The following VIPR1 variants were observed in gnomAD, a reference collection of about 807,000 sequenced individuals.
VIPR1 encodes the protein vasoactive intestinal peptide receptor 1.
In VIPR1, 59 loss-of-function variants were observed where a neutral mutation model predicts 58.8. The ratio of observed to expected loss-of-function variants is 1.00; its 90% CI spans 0.81 to 1.25. VIPR1 has a LOEUF of 1.25. Among genes scored for constraint, VIPR1 ranks in the 50% most tolerant of loss-of-function variants. The pLI, the probability that VIPR1 is intolerant of heterozygous loss-of-function variation, is 0.00. For synonymous variants in VIPR1, 251 were observed against 242.1 expected, an observed-to-expected ratio of 1.04 and a Z score of -0.34; for missense variants, 626 against 602.7, an observed-to-expected ratio of 1.04 and a Z score of -0.40.
intron 1 of VIPR1, chr3:42,513,067 G>C (rs541244880): frequency 1.7e-4 from 126 of 747,094 alleles, no homozygotes; most frequent in Non-Finnish European, 1.9e-4. Context: ...CAGAAGCAGG[G>C]GAGGCCTGGT....
At chr3:42,526,035 G>C in intron 4 of VIPR1, 42 bp downstream of exon 4, 1 of 1,553,172 alleles carries the variant, frequency 6.4e-7, no homozygotes, top group Non-Finnish European at 8.8e-7. Context: ...AGAGCGCCGG[G>C]GCCCACCTAG....
At chr3:42,514,329 G>A (rs143437175) in intron 2 of VIPR1, among the ~76,000 whole-genome samples, 1 of 152,208 alleles carries the variant, frequency 6.6e-6, no homozygotes, top group Non-Finnish European at 1.5e-5. Flanking sequence ...AGAGGAAGAA[G>A]AGGCACATTC....
chr3:42,525,214 G>T (rs1701166242), intron 3 of VIPR1, among the ~76,000 whole-genome samples: 1 of 151,970 alleles, frequency 6.6e-6, no homozygotes. Context: ...CCCCTAAGCG[G>T]TCCTGTCTCT....
At chr3:42,500,691 A>G (rs1284273944), upstream of VIPR1, among the ~76,000 whole-genome samples, 2 of 152,172 alleles carry the variant, frequency 1.3e-5, no homozygotes, top group African/African-American at 4.8e-5. Flanking sequence ...CGGGGTACAC[A>G]GGGTCATAAG....
chr3:42,502,951 C>A (rs2125629273), intron 1 of VIPR1, 138 bp downstream of exon 1: 1 of 647,248 alleles, frequency 1.5e-6, no homozygotes, highest in Non-Finnish European at 2.2e-6. Flanking sequence ...CATCTCGACT[C>A]GCCTCCTCCC....
At position 42,536,425 on chromosome 3, in the gene VIPR1, C is replaced by A; in HGVS notation, c.*144C>A. 3.4e-6 allele frequency: 3 copies of A among 878,100 alleles called. No individual in the cohort carries two copies. Among genetic ancestry groups the A allele is most frequent in the Non-Finnish European group, 3.3e-6 (2 of 604,106 alleles). 54.4% of individuals were successfully genotyped at this position (878,100 alleles called of 1,614,324 possible). A position where few individuals can be genotyped will look rare whatever the true frequency, so the allele number is the denominator to read the frequency against. The stretch of plus-strand genomic sequence containing the variant: ...GCCCCCGGCCCCCTGGTCTCTGGTC[C>A]GGACACTCCTAGAGAACGCAGCCCT... On this transcript the variant is annotated 3_prime_UTR_variant, in exon 13 of 13. Coordinates refer to ENST00000325123, the MANE Select transcript of VIPR1 (RefSeq NM_004624.4).
intron 12 of VIPR1, 63 bp from the exon 13 acceptor site, chr3:42,536,027 C>T (rs1205296016): frequency 1.3e-6 from 2 of 1,493,808 alleles, no homozygotes; most frequent in African/African-American, 1.4e-5. Context: ...AAGTCCAGGG[C>T]AGCCCAATCA....
intron 2 of VIPR1, among the ~76,000 whole-genome samples, chr3:42,515,508 C>T (rs530562336): frequency 2.6e-5 from 4 of 152,356 alleles, no homozygotes; most frequent in South Asian, 2.1e-4. Flanking sequence ...GACTCCACTG[C>T]GCACCTCCCA....
At chr3:42,492,157 C>A (rs1320310791) in intron 1 of VIPR1, among the ~76,000 whole-genome samples, 1 of 152,096 alleles carries the variant, frequency 6.6e-6, no homozygotes, top group Non-Finnish European at 1.5e-5. Context: ...TCTCTCCCAA[C>A]TTTCCATCCT....
intron 8 of VIPR1, 108 bp from the exon 9 acceptor site, chr3:42,531,695 G>C (rs1701564341): frequency 1.9e-6 from 3 of 1,551,992 alleles, no homozygotes; most frequent in South Asian, 1.1e-5. Context: ...CTGGGCCCGG[G>C]GTTGCTAAAG....
rs1323530918 is a variant in VIPR1 at position 42,530,415 on chromosome 3, TA to T, written c.637-358del. On this transcript the variant is annotated intron_variant, in intron 6 of 12. Coordinates refer to ENST00000325123, the MANE Select transcript of VIPR1 (RefSeq NM_004624.4). ...GATAGATGATGGATGGACACATGGA[TA>T]AAAAATGGATAAATGAGTGAGTTGA... is the stretch of plus-strand genomic sequence containing the variant. 4 of 223,116 alleles carry T rather than the reference TA, an allele frequency of 1.8e-5. No individual in the cohort carries two copies. In the East Asian group the frequency reaches 4.2e-4, roughly 23 times the overall value. 13.8% of individuals were successfully genotyped at this position (223,116 alleles called of 1,614,324 possible). A position where few individuals can be genotyped will look rare whatever the true frequency, so the allele number is the denominator to read the frequency against.
Position 42,505,158 on chromosome 3 carries a change from CA to C in VIPR1, c.78+2346del, listed in dbSNP as rs534876023. 4.7e-3 allele frequency among the ~76,000 whole-genome samples: 723 copies of C among 152,242 alleles called. 6 individuals are homozygous for C. The highest frequency in any genetic ancestry group is 0.031 in the Middle Eastern group (9 of 294). On this transcript the variant is annotated intron_variant, in intron 1 of 12. Coordinates refer to ENST00000325123, the MANE Select transcript of VIPR1 (RefSeq NM_004624.4). ...ACCCAGTGACTTAGGAGAAAGAGTC[CA>C]GGTGGATGTGGGGTACAGCCTCCTA...
intron 10 of VIPR1, 28 bp downstream of exon 10, chr3:42,532,361 C>T: frequency 6.3e-7 from 1 of 1,596,424 alleles, no homozygotes; most frequent in Non-Finnish European, 8.6e-7. Context: ...GCCTCAGCCC[C>T]CAGTACCTCC....
chr3:42,515,732 G>T (rs574007930), intron 2 of VIPR1, among the ~76,000 whole-genome samples: 1 of 152,358 alleles, frequency 6.6e-6, no homozygotes, highest in African/African-American at 2.4e-5. Context: ...TCTGTCTGGA[G>T]CTGCGTCTGT....
At chr3:42,499,610 A>C (rs1288122456), upstream of VIPR1, among the ~76,000 whole-genome samples, 4 of 152,198 alleles carry the variant, frequency 2.6e-5, no homozygotes, top group Admixed American at 1.3e-4. Flanking sequence ...CAAGAAGGAC[A>C]TGGGGGAACA....
chr3:42,536,109 G>C lies in VIPR1; in HGVS notation c.1202G>C (p.Arg401Pro), dbSNP rs575125714. 1 of 1,601,200 alleles carries C rather than the reference G, an allele frequency of 6.2e-7. No homozygotes were observed. The highest frequency in any genetic ancestry group is 1.3e-5 in the African/African-American group (1 of 74,774). ...TCCTAGGTGCAGGCGGAGCTGAGGC[G>C]GAAGTGGCGGCGCTGGCACCTGCAG... is the stretch of plus-strand genomic sequence containing the variant. ...LNGEVQAELR[R>P]KWRRWHLQGV... The change falls in exon 13 of 13, where the codon CGG becomes CCG. Residue 401 changes from arginine to proline, a missense_variant. Arg to Pro is a moderately radical substitution (Grantham distance 103). Transcript: ENST00000325123.
chr3:42,506,181 G>T (rs778969507), intron 1 of VIPR1, among the ~76,000 whole-genome samples: 6 of 152,182 alleles, frequency 3.9e-5, no homozygotes, highest in Non-Finnish European at 8.8e-5. Context: ...TGGGGGTAAG[G>T]CTCCAGGCCT....
intron 1 of VIPR1, among the ~76,000 whole-genome samples, chr3:42,497,289 T>G (rs1699781541): frequency 6.6e-6 from 1 of 152,192 alleles, no homozygotes; most frequent in African/African-American, 2.4e-5. Context: ...AGCCCCTCTC[T>G]GCCCTTCCTA....
At chr3:42,520,746 C>G (rs1000957145) in intron 3 of VIPR1, among the ~76,000 whole-genome samples, 1 of 152,092 alleles carries the variant, frequency 6.6e-6, no homozygotes, top group Non-Finnish European at 1.5e-5. Context: ...CTCCCTGGAC[C>G]CCAGTTTCCC....
Sources: gnomAD v4.1 joint callset for allele counts (sites outside exome capture counted in the v4.1 genomes callset) on GRCh38, gnomAD v4.1.1 for gene constraint, MANE v1.5 for transcripts, NCBI Gene and HGNC (gene_info 2026-07-23, HGNC 2026-07-21) for gene names.